The following TTC34 variants were observed in gnomAD, a reference collection of about 807,000 sequenced individuals.
TTC34 encodes the protein tetratricopeptide repeat protein 34.
Under a neutral mutation model 40.7 loss-of-function variants are expected in TTC34, and 44 were observed. The ratio of observed to expected loss-of-function variants is 1.08; its 90% CI spans 0.85 to 1.39. The LOEUF (loss-of-function observed/expected upper bound fraction) is 1.39. TTC34 is among the 40% of genes most tolerant of loss of function. The pLI is 0.00. For missense variants in TTC34, 884 were observed against 838.0 expected, an observed-to-expected ratio of 1.05 and a Z score of -0.68; for synonymous variants, 422 against 398.6, an observed-to-expected ratio of 1.06 and a Z score of -0.70.
intron 6 of TTC34, among the ~76,000 whole-genome samples, chr1:2,647,137 C>T (rs1225973860): frequency 6.6e-6 from 1 of 151,622 alleles, no homozygotes; most frequent in African/African-American, 2.4e-5. Flanking sequence ...AGGGGTGGTT[C>T]TCTTTCTATT....
chr1:2,789,596 C>A (rs1228485580), exon 3 of TTC34: 2 of 1,410,180 alleles, frequency 1.4e-6, no homozygotes, highest in East Asian at 3.0e-5. Context: ...CAGCATCCCA[C>A]GGGCCTCCTC....
chr1:2,789,372 G>T, intron 3 of TTC34, 131 bp downstream of exon 3: 1 of 861,704 alleles, frequency 1.2e-6, no homozygotes. Context: ...GACCTGCCTC[G>T]GGTGCTTTGG....
intron 2 of TTC34, among the ~76,000 whole-genome samples, chr1:2,793,958 C>T (rs956860362): frequency 1.3e-5 from 2 of 151,244 alleles, no homozygotes; most frequent in Non-Finnish European, 2.9e-5. Context: ...TCCTCGCCCT[C>T]CTTCTTCTTC....
At chr1:2,685,079 C>A (rs552672508) in intron 6 of TTC34, among the ~76,000 whole-genome samples, 3 of 139,830 alleles carry the variant, frequency 2.1e-5, no homozygotes, top group South Asian at 2.2e-4. Context: ...CAGCCTGCAC[C>A]CCCAGGTGTG....
intron 6 of TTC34, among the ~76,000 whole-genome samples, chr1:2,698,894 G>C (rs562087132): frequency 6.7e-6 from 1 of 148,796 alleles, no homozygotes; most frequent in Non-Finnish European, 1.5e-5. Flanking sequence ...CACACCCCCA[G>C]GTGAGCATCT....
At chr1:2,788,336 C>A (rs746317571) in intron 3 of TTC34, among the ~76,000 whole-genome samples, 1 of 150,276 alleles carries the variant, frequency 6.7e-6, no homozygotes, top group Non-Finnish European at 1.5e-5. Flanking sequence ...GTGTTATGTA[C>A]ATGTGTGTTG....
chr1:2,748,709 C>G (rs1215671708), intron 6 of TTC34, among the ~76,000 whole-genome samples: 1 of 110,228 alleles, frequency 9.1e-6, no homozygotes, highest in Non-Finnish European at 1.8e-5. Flanking sequence ...CAGCCTGGAA[C>G]AGAACCCACA....
chr1:2,789,782 C>G (rs1238331556), exon 3 of TTC34: 2 of 542,364 alleles, frequency 3.7e-6, no homozygotes, highest in African/African-American at 2.0e-5. Flanking sequence ...CACACAGCCC[C>G]CCGGGTGCGG....
chr1:2,683,346 C>G (rs1236326103), intron 6 of TTC34, among the ~76,000 whole-genome samples: 2 of 149,964 alleles, frequency 1.3e-5, no homozygotes, highest in East Asian at 2.0e-4. Flanking sequence ...GAACACCACC[C>G]TGCACCCCCA....
At chr1:2,794,740 T>TTA (rs1470798575) in intron 2 of TTC34, among the ~76,000 whole-genome samples, 2 of 152,194 alleles carry the variant, frequency 1.3e-5, no homozygotes, top group Admixed American at 6.5e-5. Flanking sequence ...GGGTTTGGGA[T>TTA]AGATATTATC....
intron 6 of TTC34, among the ~76,000 whole-genome samples, chr1:2,649,591 A>C (rs894435739): frequency 6.6e-6 from 1 of 152,162 alleles, no homozygotes; most frequent in African/African-American, 2.4e-5. Flanking sequence ...CCCAGGCTAC[A>C]GGCCAGTGGT....
intron 6 of TTC34, among the ~76,000 whole-genome samples, chr1:2,683,355 C>T (rs1256313569): frequency 6.9e-6 from 1 of 145,012 alleles, no homozygotes; most frequent in South Asian, 2.2e-4. Context: ...CCTGCACCCC[C>T]AGGTGAGCAT....
At chr1:2,788,000 AAC>A (rs1385135625) in intron 3 of TTC34, among the ~76,000 whole-genome samples, 1 of 152,166 alleles carries the variant, frequency 6.6e-6, no homozygotes, top group African/African-American at 2.4e-5. Context: ...TTTCTGCAAA[AAC>A]ACAGACGAAC....
chr1:2,683,104 T>TGAGCATCTGACAGCCTGGAACAGCAC (rs1640150020), intron 6 of TTC34, among the ~76,000 whole-genome samples: 1 of 50,300 alleles, frequency 2.0e-5, no homozygotes, highest in African/African-American at 6.7e-5. Context: ...TGGAGCAGCA[T>TGAGCATCTGACAGCCTGGAACAGCAC]CCACACCCCC....
intron 6 of TTC34, among the ~76,000 whole-genome samples, chr1:2,764,116 T>A (rs1332700216): frequency 7.1e-6 from 1 of 141,778 alleles, no homozygotes; most frequent in African/African-American, 2.7e-5. Flanking sequence ...GGTGAGGATC[T>A]GACAGCCTGG....
intron 6 of TTC34, among the ~76,000 whole-genome samples, chr1:2,750,737 G>A (rs1641291901): frequency 2.9e-5 from 4 of 137,684 alleles, no homozygotes; most frequent in East Asian, 2.2e-4. Flanking sequence ...CCCCAGGTGA[G>A]CATCTGATGG....
intron 3 of TTC34, among the ~76,000 whole-genome samples, chr1:2,789,190 G>A (rs1643630239): frequency 6.6e-6 from 1 of 152,210 alleles, no homozygotes; most frequent in Non-Finnish European, 1.5e-5. Context: ...TAGCCACAAA[G>A]GGAATCGTCA....
At chr1:2,644,215 G>A (rs1418364850) in intron 8 of TTC34, 49 bp downstream of exon 8, 4 of 1,499,754 alleles carry the variant, frequency 2.7e-6, no homozygotes, top group Non-Finnish European at 3.6e-6. Flanking sequence ...TCTCATGCCT[G>A]TGTGCTGGGG....
chr1:2,641,011 G>A (rs553767172), exon 9 of TTC34: 8 of 179,858 alleles, frequency 4.4e-5, no homozygotes, highest in East Asian at 3.0e-4. Flanking sequence ...GCAGGGAAGC[G>A]GGGTGTGGGG....
Sources: gnomAD v4.1 joint callset for allele counts (sites outside exome capture counted in the v4.1 genomes callset) on GRCh38, gnomAD v4.1.1 for gene constraint, MANE v1.5 for transcripts, NCBI Gene and HGNC (gene_info 2026-07-23, HGNC 2026-07-21) for gene names.